NRXN1: variants seen among roughly 807,000 people sequenced by gnomAD.
NRXN1 encodes neurexin-1.
Under a neutral mutation model 150.9 loss-of-function variants are expected in NRXN1, and 39 were observed. The observed-to-expected ratio is 0.26, with a 90% CI of 0.20 to 0.34. NRXN1 has a LOEUF of 0.34. Ranked by LOEUF, NRXN1 falls within the 10% of genes least tolerant of loss-of-function variation. NRXN1 has a pLI of 1.00. For synonymous variants in NRXN1, 924 were observed against 757.0 expected (o/e 1.22, Z -3.62); for missense variants, 1,815 against 1,949.9 (o/e 0.93, Z 1.30).
chr2:50,600,681 G>C (rs974754209), intron 8 of NRXN1, among the ~76,000 whole-genome samples: 1 of 152,122 alleles, frequency 6.6e-6, no homozygotes, highest in Non-Finnish European at 1.5e-5. Flanking sequence ...CTGTTTTATG[G>C]ACCCTGGAAC....
At chr2:50,435,963 T>A (rs960162710) in intron 17 of NRXN1, among the ~76,000 whole-genome samples, 8 of 152,100 alleles carry the variant, frequency 5.3e-5, no homozygotes, top group Admixed American at 2.0e-4. Context: ...ATAAAAGTTA[T>A]AAAAATAGAA....
chr2:50,814,227 C>G (rs1435001562), intron 5 of NRXN1, among the ~76,000 whole-genome samples: 1 of 151,980 alleles, frequency 6.6e-6, no homozygotes, highest in African/African-American at 2.4e-5. Flanking sequence ...GAACTCCTGG[C>G]CTCAAGGAAT....
At chr2:50,914,374 C>A (rs1157305550) in intron 5 of NRXN1, among the ~76,000 whole-genome samples, 2 of 151,552 alleles carry the variant, frequency 1.3e-5, no homozygotes, top group African/African-American at 4.8e-5. Context: ...TCACAAATTG[C>A]CAAAAGATCC....
intron 18 of NRXN1, among the ~76,000 whole-genome samples, chr2:50,187,660 T>G (rs2678227): frequency 0.019 from 2,890 of 151,940 alleles, 96 homozygotes; most frequent in African/African-American, 0.066. Flanking sequence ...GGGGATGGCA[T>G]TGAATCTATA....
intron 18 of NRXN1, among the ~76,000 whole-genome samples, chr2:50,208,623 G>A (rs886769933): frequency 1.3e-5 from 2 of 151,960 alleles, no homozygotes; most frequent in Admixed American, 1.3e-4. Flanking sequence ...AGCCTGCAGG[G>A]GCTGTACTCC....
At chr2:50,945,377 T>C (rs917372914) in intron 2 of NRXN1, among the ~76,000 whole-genome samples, 1 of 152,036 alleles carries the variant, frequency 6.6e-6, no homozygotes, top group African/African-American at 2.4e-5. Flanking sequence ...GGCAGGAGGA[T>C]TGCTTGAGCC....
intron 5 of NRXN1, among the ~76,000 whole-genome samples, chr2:50,793,472 G>C (rs1023016426): frequency 6.6e-6 from 1 of 152,012 alleles, no homozygotes. Context: ...CTTCACTAAA[G>C]GGTTAATCAA....
At chr2:50,132,179 A>T (rs1210030783) in intron 18 of NRXN1, among the ~76,000 whole-genome samples, 1 of 152,210 alleles carries the variant, frequency 6.6e-6, no homozygotes, top group Non-Finnish European at 1.5e-5. Context: ...ATTTCAAAAT[A>T]GACATTAAGA....
At chr2:50,584,395 T>G (rs983840434) in intron 8 of NRXN1, among the ~76,000 whole-genome samples, 1 of 152,202 alleles carries the variant, frequency 6.6e-6, no homozygotes. Context: ...ATAAATACAC[T>G]TGTACTCATC....
At chr2:50,274,225 A>G (rs2070109562) in intron 17 of NRXN1, among the ~76,000 whole-genome samples, 2 of 152,330 alleles carry the variant, frequency 1.3e-5, no homozygotes, top group South Asian at 4.1e-4. Flanking sequence ...TGCCCTTCAC[A>G]GGGACATGGA....
intron 17 of NRXN1, among the ~76,000 whole-genome samples, chr2:50,383,819 T>A (rs997328732): frequency 6.6e-6 from 1 of 152,180 alleles, no homozygotes; most frequent in African/African-American, 2.4e-5. Context: ...GCTGCTATGA[T>A]TCTAGCTAAT....
chr2:50,990,411 C>T (rs1698373453), intron 2 of NRXN1, among the ~76,000 whole-genome samples: 1 of 151,978 alleles, frequency 6.6e-6, no homozygotes, highest in African/African-American at 2.4e-5. Context: ...GCTTTTAGCT[C>T]ATTACACTTT....
rs56052881 is a variant in NRXN1 at position 50,384,505 on chromosome 2, C to CAAAA, written c.3364+80933_3364+80936dup. On this transcript the variant is annotated intron_variant, in intron 17 of 22. Transcript: ENST00000401669. ...TGAATGACAGAGCAAGACTCCATCT[C>CAAAA]AAAAAAAAAAAAAAAAAAAAAAAAA... Among the ~76,000 whole-genome samples, 79 of 55,944 alleles carry CAAAA rather than the reference C, an allele frequency of 1.4e-3. 1 individual carries two copies. The highest frequency in any genetic ancestry group is 4.4e-3 in the African/African-American group (69 of 15,516). 36.7% of individuals were successfully genotyped at this position (55,944 alleles called of 152,430 possible).
intron 12 of NRXN1, among the ~76,000 whole-genome samples, chr2:50,512,773 A>G (rs2092497948): frequency 6.6e-6 from 1 of 152,182 alleles, no homozygotes; most frequent in South Asian, 2.1e-4. Flanking sequence ...TACATATTCA[A>G]AAAATATTGT....
intron 5 of NRXN1, among the ~76,000 whole-genome samples, chr2:50,844,339 C>T (rs973890770): frequency 6.6e-6 from 1 of 152,174 alleles, no homozygotes; most frequent in Non-Finnish European, 1.5e-5. Context: ...TTCCCAATAA[C>T]AAAACTTTCT....
chr2:50,576,731 G>T (rs867894838), intron 8 of NRXN1, among the ~76,000 whole-genome samples: 2 of 151,964 alleles, frequency 1.3e-5, no homozygotes, highest in Middle Eastern at 6.8e-3. Context: ...GCTGGGTCAG[G>T]GTATAATATG....
chr2:50,136,893 T>C (rs554519036), intron 18 of NRXN1, among the ~76,000 whole-genome samples: 1 of 152,258 alleles, frequency 6.6e-6, no homozygotes, highest in East Asian at 1.9e-4. Flanking sequence ...CCACTTTAAG[T>C]ACAAAAAAAT....
rs373114370 is a variant in NRXN1, at chr2:50,497,031, A to G, written c.2879+302T>C. On this transcript the variant is annotated intron_variant, in intron 14 of 22. Coordinates refer to ENST00000401669, the MANE Select transcript of NRXN1 (RefSeq NM_001330078.2). ...TGTATCAATGCTTTTGTGGAATTAC[A>G]TTGTGCATAGTCAGGAAATGCCCAT... Among the ~76,000 whole-genome samples, 10 of 152,196 alleles carry G rather than the reference A, an allele frequency of 6.6e-5. 1 individual carries two copies. The East Asian group carries it at 7.7e-4, about 12-fold the overall frequency.
At chr2:50,706,622 A>T (rs1255304436) in intron 5 of NRXN1, among the ~76,000 whole-genome samples, 1 of 152,108 alleles carries the variant, frequency 6.6e-6, no homozygotes, top group Non-Finnish European at 1.5e-5. Flanking sequence ...AGCTGAAAAC[A>T]CTATTAAATA....
Sources: gnomAD v4.1 joint callset for allele counts (sites outside exome capture counted in the v4.1 genomes callset) on GRCh38, gnomAD v4.1.1 for gene constraint, MANE v1.5 for transcripts, NCBI Gene and HGNC (gene_info 2026-07-23, HGNC 2026-07-21) for gene names.